SPIN1: variants seen among roughly 807,000 people sequenced by gnomAD.
SPIN1 encodes spindlin 1.
A neutral mutation model predicts 26.0 loss-of-function variants in SPIN1; 3 were observed. The ratio of observed to expected loss-of-function variants is 0.12; its 90% CI spans 0.05 to 0.30. The LOEUF is 0.30. SPIN1 is among the 10% of genes least tolerant of loss of function. The pLI is 1.00. For missense variants in SPIN1, 126 were observed against 333.4 expected, an observed-to-expected ratio of 0.38 and a Z score of 4.84; for synonymous variants, 101 against 116.5, an observed-to-expected ratio of 0.87 and a Z score of 0.86.
At chr9:88,440,379 G>A (rs367635397) in intron 2 of SPIN1, among the ~76,000 whole-genome samples, 3 of 152,034 alleles carry the variant, frequency 2.0e-5, no homozygotes, top group African/African-American at 4.8e-5. Flanking sequence ...GGCTGGTCTC[G>A]GACTCCTGAG....
At chr9:88,436,127 G>T (rs1185275346) in intron 2 of SPIN1, among the ~76,000 whole-genome samples, 2 of 152,110 alleles carry the variant, frequency 1.3e-5, no homozygotes, top group Admixed American at 6.6e-5. Flanking sequence ...AAGAGGTGGG[G>T]TCTAACTGTG....
At chr9:88,434,976 C>T (rs919439177) in intron 2 of SPIN1, among the ~76,000 whole-genome samples, 3 of 150,444 alleles carry the variant, frequency 2.0e-5, no homozygotes, top group Non-Finnish European at 3.0e-5. Context: ...TATCTGAACC[C>T]GGGAGGCGGA....
chr9:88,438,314 G>C (rs1828049885), intron 2 of SPIN1, among the ~76,000 whole-genome samples: 1 of 152,024 alleles, frequency 6.6e-6, no homozygotes, highest in African/African-American at 2.4e-5. Flanking sequence ...TGACCCATGT[G>C]CTTAGAAGTA....
chr9:88,423,950 T>G (rs1313604279), intron 1 of SPIN1, among the ~76,000 whole-genome samples: 1 of 151,988 alleles, frequency 6.6e-6, no homozygotes, highest in South Asian at 2.1e-4. Flanking sequence ...TTGTGTTTTT[T>G]GTAGAGATGG....
intron 2 of SPIN1, among the ~76,000 whole-genome samples, chr9:88,444,688 T>C (rs1231985174): frequency 7.0e-6 from 1 of 142,966 alleles, no homozygotes. Flanking sequence ...TACCTTTTCT[T>C]TTCTTTTTTT....
intron 4 of SPIN1, among the ~76,000 whole-genome samples, chr9:88,463,631 A>C (rs1414628673): frequency 6.6e-6 from 1 of 152,154 alleles, no homozygotes; most frequent in Admixed American, 6.6e-5. Context: ...TTTCCTTAGG[A>C]AGTTAATTCT....
chr9:88,394,223 A>G (rs1827000920), intron 1 of SPIN1, among the ~76,000 whole-genome samples: 1 of 152,176 alleles, frequency 6.6e-6, no homozygotes, highest in African/African-American at 2.4e-5. Context: ...AGGTCCTTTC[A>G]ACCTGGTTCT....
intron 1 of SPIN1, among the ~76,000 whole-genome samples, chr9:88,412,792 T>G (rs902154347): frequency 2.6e-5 from 4 of 152,094 alleles, no homozygotes; most frequent in African/African-American, 9.6e-5. Context: ...CAAGTGATTC[T>G]CCCACTTCAG....
At position 88,445,390 on chromosome 9, in the gene SPIN1, C is replaced by T. The variant is rs183801081; in HGVS notation, c.53-3551C>T. On this transcript the variant is annotated intron_variant, in intron 2 of 5. Transcript: ENST00000375859. ...TCAAGCCTCTGTCCACGTCTCAGTG[C>T]GTATGAACATGCTGGGTGAAGTGGG... 3.4e-3 allele frequency among the ~76,000 whole-genome samples: 515 copies of T among 151,994 alleles called. 3 individuals are homozygous for T. Among genetic ancestry groups the T allele is most frequent in the African/African-American group, 0.011 (465 of 41,438 alleles).
chr9:88,443,816 C>T (rs1828188015), intron 2 of SPIN1, among the ~76,000 whole-genome samples: 1 of 152,122 alleles, frequency 6.6e-6, no homozygotes, highest in Non-Finnish European at 1.5e-5. Context: ...CCACCCCTAC[C>T]CCTTGTGGGA....
At chr9:88,465,640 G>A (rs899686959) in intron 4 of SPIN1, among the ~76,000 whole-genome samples, 4 of 152,076 alleles carry the variant, frequency 2.6e-5, no homozygotes, top group African/African-American at 9.7e-5. Flanking sequence ...TTTTAATTAG[G>A]TTATTTTGAT....
intron 5 of SPIN1, 114 bp downstream of exon 5, chr9:88,468,719 CT>C (rs756083255): frequency 2.1e-5 from 12 of 570,622 alleles, no homozygotes; most frequent in Non-Finnish European, 3.2e-5. Flanking sequence ...ATATATGATT[CT>C]TTTAGTCATG....
At chr9:88,402,158 A>G (rs568936590) in intron 1 of SPIN1, among the ~76,000 whole-genome samples, 1 of 152,090 alleles carries the variant, frequency 6.6e-6, no homozygotes, top group East Asian at 1.9e-4. Flanking sequence ...ATGCTGGGCT[A>G]ATTTTTGTAA....
chr9:88,451,113 A>T (rs772299131), intron 3 of SPIN1, among the ~76,000 whole-genome samples: 21 of 99,342 alleles, frequency 2.1e-4, no homozygotes, highest in South Asian at 9.7e-4. Flanking sequence ...AACCAAATAT[A>T]AAAAAAAAAC....
At chr9:88,434,040 G>A (rs1827943941) in intron 2 of SPIN1, among the ~76,000 whole-genome samples, 1 of 152,114 alleles carries the variant, frequency 6.6e-6, no homozygotes, top group Non-Finnish European at 1.5e-5. Flanking sequence ...AAGGGGAGGA[G>A]TGAGTCATAG....
chr9:88,433,387 A>G (rs571976348), intron 2 of SPIN1, among the ~76,000 whole-genome samples: 12 of 152,262 alleles, frequency 7.9e-5, no homozygotes, highest in African/African-American at 2.9e-4. Context: ...CTGCTTATAA[A>G]TTGCTTTTTA....
chr9:88,468,708 G>T lies in SPIN1; in HGVS notation c.589+103G>T, dbSNP rs569239730. The T allele has an allele frequency of 4.4e-6, 3 of 682,020 alleles. No homozygotes were observed. In the South Asian group the frequency reaches 1.7e-4, roughly 38 times the overall value. 42.2% of individuals were successfully genotyped at this position (682,020 alleles called of 1,614,324 possible). A position where few individuals can be genotyped will look rare whatever the true frequency, so the allele number is the denominator to read the frequency against. ...TTTTGCAGATACATTTTTATTTTTG[G>T]ATATATGATTCTTTTAGTCATGCAC... On this transcript the variant is annotated intron_variant, in intron 5 of 5. Coordinates refer to ENST00000375859, the MANE Select transcript of SPIN1 (RefSeq NM_006717.3).
intron 3 of SPIN1, among the ~76,000 whole-genome samples, chr9:88,458,478 A>C (rs1479581413): frequency 6.6e-6 from 1 of 152,196 alleles, no homozygotes; most frequent in Non-Finnish European, 1.5e-5. Flanking sequence ...GGAGGTGTCT[A>C]GTATGAAAAC....
chr9:88,467,849 A>G (rs936427898), intron 4 of SPIN1, among the ~76,000 whole-genome samples: 11 of 145,372 alleles, frequency 7.6e-5, no homozygotes, highest in Admixed American at 4.8e-4. Context: ...TTTCTTTAAA[A>G]AAAAAAAACA....
Sources: gnomAD v4.1 joint callset for allele counts (sites outside exome capture counted in the v4.1 genomes callset) on GRCh38, gnomAD v4.1.1 for gene constraint, MANE v1.5 for transcripts, NCBI Gene and HGNC (gene_info 2026-07-23, HGNC 2026-07-21) for gene names.